The following NRXN1 variants were observed in gnomAD, a reference collection of about 807,000 sequenced individuals.
NRXN1 encodes the protein neurexin 1, also known as neurexin-1.
Under a neutral mutation model 150.9 loss-of-function variants are expected in NRXN1, and 39 were observed. The observed-to-expected ratio is 0.26, with a 90% CI of 0.20 to 0.34. The LOEUF is 0.34. Among genes scored for constraint, NRXN1 ranks in the 10% least tolerant of loss-of-function variants. The pLI is 1.00. For missense variants in NRXN1, 1,815 were observed against 1,949.9 expected, an observed-to-expected ratio of 0.93 and a Z score of 1.30; for synonymous variants, 924 against 757.0, an observed-to-expected ratio of 1.22 and a Z score of -3.62.
At chr2:50,983,900 T>G (rs919283382) in intron 2 of NRXN1, among the ~76,000 whole-genome samples, 21 of 152,072 alleles carry the variant, frequency 1.4e-4, no homozygotes, top group Non-Finnish European at 1.3e-4. Flanking sequence ...AGACATTAGC[T>G]ACTAACAAAT....
At chr2:50,349,335 A>C (rs567422904) in intron 17 of NRXN1, among the ~76,000 whole-genome samples, 30 of 152,282 alleles carry the variant, frequency 2.0e-4, no homozygotes, top group African/African-American at 7.0e-4. Context: ...CCTTGCCCCC[A>C]GTCATTTCTT....
chr2:50,348,958 T>C (rs899452719), intron 17 of NRXN1, among the ~76,000 whole-genome samples: 1 of 152,148 alleles, frequency 6.6e-6, no homozygotes, highest in Non-Finnish European at 1.5e-5. Flanking sequence ...AAGTCCAGTA[T>C]TTTTTAAAAA....
At chr2:50,808,471 A>C (rs1469633059) in intron 5 of NRXN1, among the ~76,000 whole-genome samples, 1 of 151,664 alleles carries the variant, frequency 6.6e-6, no homozygotes, top group Non-Finnish European at 1.5e-5. Context: ...AAGTTACTGA[A>C]ATGCAAAAAA....
rs192861647 is a variant in NRXN1 at position 51,008,799 on chromosome 2, C to A, written c.772+18703G>T. Among the ~76,000 whole-genome samples the A allele has an allele frequency of 1.9e-3, 283 of 151,566 alleles. 2 individuals are homozygous for A. Among genetic ancestry groups the A allele is most frequent in the African/African-American group, 6.6e-3 (275 of 41,420 alleles). ...GTTTTCTTGGAATGTTTTTATAAAA[C>A]TTGTAGTCATATACTTCTATTTTTT... On this transcript the variant is annotated intron_variant, in intron 2 of 22. Transcript: ENST00000401669.
intron 5 of NRXN1, among the ~76,000 whole-genome samples, chr2:50,879,872 G>A (rs1362203712): frequency 1.3e-5 from 2 of 151,948 alleles, no homozygotes; most frequent in Admixed American, 6.6e-5. Flanking sequence ...AGGAGGTGCT[G>A]AGGCATGCCC....
At chr2:50,098,830 G>GTTTTTTTTTTTTTTTTTTTTTTTT (rs746736925) in intron 18 of NRXN1, among the ~76,000 whole-genome samples, 8 of 105,556 alleles carry the variant, frequency 7.6e-5, no homozygotes, top group Admixed American at 3.3e-4. Flanking sequence ...TTTGGTTTTA[G>GTTTTTTTTTTTTTTTTTTTTTTTT]TTTTTTTTTT....
chr2:50,278,654 T>G (rs902930006), intron 17 of NRXN1, among the ~76,000 whole-genome samples: 1 of 151,998 alleles, frequency 6.6e-6, no homozygotes, highest in African/African-American at 2.4e-5. Context: ...TAAAAAATAT[T>G]CTACAAAAGC....
chr2:50,019,269 C>T (rs1172462757), intron 21 of NRXN1: 1 of 471,470 alleles, frequency 2.1e-6, no homozygotes, highest in South Asian at 1.5e-5. Flanking sequence ...GCCTGTTCTC[C>T]ATAAGTTTGA....
chr2:50,488,270 TCC>T (rs1372535280), intron 15 of NRXN1, among the ~76,000 whole-genome samples: 1 of 152,234 alleles, frequency 6.6e-6, no homozygotes. Flanking sequence ...TGTCTCTTAT[TCC>T]CTCAACCTGG....
intron 17 of NRXN1, among the ~76,000 whole-genome samples, chr2:50,362,001 C>T (rs1050795370): frequency 1.3e-5 from 2 of 152,160 alleles, no homozygotes; most frequent in African/African-American, 4.8e-5. Flanking sequence ...ACAAAAAACA[C>T]ATGATTATCT....
intron 19 of NRXN1, among the ~76,000 whole-genome samples, chr2:50,077,397 C>T (rs1040702135): frequency 1.3e-5 from 2 of 151,884 alleles, no homozygotes; most frequent in Non-Finnish European, 2.9e-5. Context: ...CAGGCCTCAT[C>T]TAATTATCCC....
chr2:50,255,255 T>C (rs1295601014), intron 17 of NRXN1, among the ~76,000 whole-genome samples: 1 of 152,162 alleles, frequency 6.6e-6, no homozygotes, highest in Non-Finnish European at 1.5e-5. Flanking sequence ...TGAAGTTCTT[T>C]GGCCAATTAA....
At chr2:49,947,262 T>C (rs573269345) in intron 21 of NRXN1, among the ~76,000 whole-genome samples, 1 of 152,226 alleles carries the variant, frequency 6.6e-6, no homozygotes, top group African/African-American at 2.4e-5. Context: ...GTTGTTCCTA[T>C]TGGTGTTTTA....
intron 17 of NRXN1, among the ~76,000 whole-genome samples, chr2:50,259,190 T>C (rs540163651): frequency 1.3e-5 from 2 of 152,106 alleles, no homozygotes; most frequent in South Asian, 4.1e-4. Context: ...GATACCTACA[T>C]GGCATCTTCT....
intron 18 of NRXN1, among the ~76,000 whole-genome samples, chr2:50,135,477 G>C (rs1458379987): frequency 6.6e-6 from 1 of 152,064 alleles, no homozygotes; most frequent in Non-Finnish European, 1.5e-5. Context: ...TGGATCACGA[G>C]GTCAGGAGAT....
chr2:50,795,312 T>G (rs190090072), intron 5 of NRXN1, among the ~76,000 whole-genome samples: 1 of 152,194 alleles, frequency 6.6e-6, no homozygotes, highest in South Asian at 2.1e-4. Context: ...ACCCAAGAAT[T>G]TAAAAGACCC....
chr2:50,496,202 C>G (rs2091609848), intron 14 of NRXN1, 107 bp from the exon 15 acceptor site: 2 of 761,614 alleles, frequency 2.6e-6, no homozygotes, highest in African/African-American at 1.8e-5. Context: ...TCCATCCTTA[C>G]TAGAAGTCAT....
intron 5 of NRXN1, among the ~76,000 whole-genome samples, chr2:50,852,633 C>T (rs1674686035): frequency 6.6e-6 from 1 of 152,078 alleles, no homozygotes; most frequent in Admixed American, 6.6e-5. Flanking sequence ...TGGAAAAAAT[C>T]TTAGAAAATG....
rs117769223 is a variant in NRXN1 at position 50,899,869 on chromosome 2, A to G, written c.832+22000T>C. ...TCAGGTTGTTGAAATCTTCCACATC[A>G]AACTAATTAGAAAGAATTTTTGAAT... On this transcript the variant is annotated intron_variant, in intron 5 of 22. Transcript: ENST00000401669. 4.3e-4 allele frequency among the ~76,000 whole-genome samples: 65 copies of G among 152,332 alleles called. No homozygotes were observed. The East Asian group carries it at 0.011, about 25-fold the overall frequency.
Sources: allele counts gnomAD v4.1 joint callset (sites outside exome capture counted in the v4.1 genomes callset), GRCh38; gene constraint gnomAD v4.1.1; transcripts MANE v1.5; gene names NCBI Gene and HGNC (gene_info 2026-07-23, HGNC 2026-07-21).